RBP5: variants seen among roughly 807,000 people sequenced by gnomAD.
RBP5 encodes retinol-binding protein 5.
RBP5 carries 12 observed loss-of-function variants against 17.8 expected under a neutral mutation model. The ratio of observed to expected loss-of-function variants is 0.67; its 90% CI spans 0.43 to 1.09. The LOEUF (loss-of-function observed/expected upper bound fraction) is 1.09. RBP5 is among the 50% of genes least tolerant of loss of function. RBP5 has a pLI of 0.00. For synonymous variants in RBP5, 64 were observed against 68.1 expected, an observed-to-expected ratio of 0.94 and a Z score of 0.30; for missense variants, 172 against 169.4, an observed-to-expected ratio of 1.02 and a Z score of -0.09.
At chr12:7,125,154 G>A (rs760701375) in intron 2 of RBP5, among the ~76,000 whole-genome samples, 21 of 152,192 alleles carry the variant, frequency 1.4e-4, no homozygotes, top group African/African-American at 4.1e-4. Context: ...TGATCCGCCC[G>A]CCACCGCTTC....
chr12:7,127,453 C>T (rs1295390134), intron 2 of RBP5: 5 of 530,850 alleles, frequency 9.4e-6, no homozygotes, highest in Non-Finnish European at 1.0e-5. Flanking sequence ...TTTAAATCAT[C>T]TCTAGATTAC....
downstream of RBP5, chr12:7,122,497 T>C (rs777990578): frequency 3.3e-5 from 5 of 152,078 alleles, no homozygotes; most frequent in Non-Finnish European, 5.9e-5. Flanking sequence ...GGGGGAAAAA[T>C]AAAAATATAT....
chr12:7,128,607 C>T lies in RBP5; in HGVS notation c.73+96G>A. ...GCCGCCTGAGCCTTTCCACAGTGTC[C>T]AACCCCGGGCATTCCCTCTTCTCCA... On this transcript the variant is annotated intron_variant, in intron 1 of 3. Coordinates refer to ENST00000266560, the MANE Select transcript of RBP5 (RefSeq NM_031491.4). The surrounding 1 kb of genome is among the most constrained non-coding windows in gnomAD (Gnocchi z 5.3). 1 of 1,299,876 alleles carries T rather than the reference C, an allele frequency of 7.7e-7. No homozygotes were observed. The highest frequency in any genetic ancestry group is 1.1e-6 in the Non-Finnish European group (1 of 918,988). The allele number at this position is 1,299,876 out of a possible 1,614,324, so 80.5% of individuals were successfully genotyped here.
chr12:7,128,376 G>C lies in RBP5; in HGVS notation c.116C>G (p.Pro39Arg), dbSNP rs776502884. 2.1e-5 allele frequency: 34 copies of C among 1,614,184 alleles called. No homozygotes were observed. The highest frequency in any genetic ancestry group is 2.8e-5 in the Non-Finnish European group (33 of 1,180,034). The change falls in exon 2 of 4, where the codon CCG becomes CGG. Residue 39 changes from proline to arginine, a missense_variant. By Grantham distance (103) the Pro-to-Arg change is moderately radical. Transcript: ENST00000266560. This position sits in a 1 kb window ranked among gnomAD's most constrained non-coding sequence, Gnocchi z 5.3. ...GCCCTGGTGTTCGATCTCCTTGTCCGGCTTCAGCAGCAGCGCGATCTTCCG... is the reference window on the plus strand; with the variant it reads ...GCCCTGGTGTTCGATCTCCTTGTCCCGCTTCAGCAGCAGCGCGATCTTCCG... ...AVRKIALLLK[P>R]DKEIEHQGNH...
At position 7,124,631 on chromosome 12, in the gene RBP5, G is replaced by T; in HGVS notation, c.352C>A (p.Leu118Met). The T allele has an allele frequency of 1.3e-6, 2 of 1,481,956 alleles. No homozygotes were observed. Among genetic ancestry groups the T allele is most frequent in the Non-Finnish European group, 1.9e-6 (2 of 1,060,078 alleles). 91.8% of individuals were successfully genotyped at this position (1,481,956 alleles called of 1,614,324 possible). Residue 118 changes from leucine to methionine, a missense_variant and splice_region_variant, in exon 3 of 4, where the codon CTG becomes ATG. By Grantham distance (15) the Leu-to-Met change is conservative (BLOSUM62 2). Transcript: ENST00000266560. The surrounding 1 kb of genome is among the most constrained non-coding windows in gnomAD (Gnocchi z 5.3). ...CACCCAGCCCCCACCCCATTTACCA[G>T]ATACAGCATCTCTCCCTCCAGCCAG... is the stretch of plus-strand genomic sequence containing the variant. ...RHWLEGEMLY[L>M]ELTARDAVCE... is the part of the protein sequence containing the mutation.
chr12:7,126,580 A>G (rs1242896178), intron 2 of RBP5, among the ~76,000 whole-genome samples: 1 of 150,674 alleles, frequency 6.6e-6, no homozygotes, highest in Non-Finnish European at 1.5e-5. Flanking sequence ...AGAGGTAAGG[A>G]AACAAGAGAT....
downstream of RBP5, among the ~76,000 whole-genome samples, chr12:7,122,997 G>A (rs916599752): frequency 6.6e-6 from 1 of 152,130 alleles, no homozygotes; most frequent in Non-Finnish European, 1.5e-5. Context: ...TGGGTCAAGA[G>A]TCTTCATCTG....
Position 7,124,010 on chromosome 12 carries a change from A to G in RBP5, c.*111T>C. On this transcript the variant is annotated 3_prime_UTR_variant, in exon 4 of 4. Transcript: ENST00000266560. The surrounding 1 kb of genome is among the most constrained non-coding windows in gnomAD (Gnocchi z 5.3). ...GGTGAGGAGGGACCCAGAGGGAGGA[A>G]AGGTGGCCAGAGGAAGGGACAGCTG... 2 of 997,934 alleles carry G rather than the reference A, an allele frequency of 2.0e-6. No homozygotes were observed. Among genetic ancestry groups the G allele is most frequent in the Non-Finnish European group, 3.2e-6 (2 of 623,328 alleles). The allele number at this position is 997,934 out of a possible 1,614,324, so 61.8% of individuals were successfully genotyped here. A position where few individuals can be genotyped will look rare whatever the true frequency, so the allele number is the denominator to read the frequency against.
At position 7,117,592 on chromosome 12, in the gene RBP5, A is replaced by G. The variant is rs748157654; in HGVS notation, n.890-285T>C. 63 of 152,246 alleles carry G rather than the reference A, an allele frequency of 4.1e-4. No individual in the cohort carries two copies. The highest frequency in any genetic ancestry group is 1.5e-3 in the African/African-American group (62 of 41,540). 9.4% of individuals were successfully genotyped at this position (152,246 alleles called of 1,614,324 possible). On this transcript the variant is annotated intron_variant and non_coding_transcript_variant, in intron 3 of 3. Transcript: ENST00000619522. This position sits in a 1 kb window ranked among gnomAD's most constrained non-coding sequence, Gnocchi z 4.9. ...AGAGCAGGACTGGACAGATGAAAGCATGGCTTACAGGAGGCCAACACAATA... is the reference window on the plus strand; with the variant it reads ...AGAGCAGGACTGGACAGATGAAAGCGTGGCTTACAGGAGGCCAACACAATA...
Position 7,124,818 on chromosome 12 carries a change from A to G in RBP5, c.253-88T>C, listed in dbSNP as rs915595608. 1.3e-6 allele frequency: 1 copy of G among 763,262 alleles called. No individual in the cohort carries two copies. Among genetic ancestry groups the G allele is most frequent in the Non-Finnish European group, 2.3e-6 (1 of 426,632 alleles). The allele number at this position is 763,262 out of a possible 1,614,324, so 47.3% of individuals were successfully genotyped here. A position where few individuals can be genotyped will look rare whatever the true frequency, so the allele number is the denominator to read the frequency against. ...TCACTCTGAATGGGCTCCCCCTTTT[A>G]CTCCACAGCAGATACTGTCTGCTGC... On this transcript the variant is annotated intron_variant, in intron 2 of 3. Coordinates refer to ENST00000266560, the MANE Select transcript of RBP5 (RefSeq NM_031491.4). The surrounding 1 kb of genome is among the most constrained non-coding windows in gnomAD (Gnocchi z 5.3).
In RBP5 at chr12:7,124,526, G is replaced by T; in HGVS notation, c.354+103C>A. 1.4e-6 allele frequency: 1 copy of T among 721,388 alleles called. No homozygotes were observed. Among genetic ancestry groups the T allele is most frequent in the Non-Finnish European group, 2.5e-6 (1 of 400,804 alleles). The allele number at this position is 721,388 out of a possible 1,614,324, so 44.7% of individuals were successfully genotyped here. ...TGGTCAATTCCTTGGATAGGGATTG[G>T]GGCTGGGCTGGGGGAAGAGTGGTGG... On this transcript the variant is annotated intron_variant, in intron 3 of 3. Transcript: ENST00000266560. The surrounding 1 kb of genome is among the most constrained non-coding windows in gnomAD (Gnocchi z 5.3).
rs114493278 is a variant in RBP5, at chr12:7,117,373, C to T, written n.890-66G>A. 7.9e-5 allele frequency: 12 copies of T among 152,270 alleles called. No homozygotes were observed. The highest frequency in any genetic ancestry group is 2.9e-4 in the African/African-American group (12 of 41,548). 9.4% of individuals were successfully genotyped at this position (152,270 alleles called of 1,614,324 possible). On this transcript the variant is annotated intron_variant and non_coding_transcript_variant, in intron 3 of 3. Transcript: ENST00000619522. The surrounding 1 kb of genome is among the most constrained non-coding windows in gnomAD (Gnocchi z 4.9). ...AAGCAGGTATTGTTGGTGGCTGTCT[C>T]GGACGCTGGTTCTCATAGAAGTAGA... is the stretch of plus-strand genomic sequence containing the variant.
rs1471899162 is a variant in RBP5 at position 7,123,843 on chromosome 12, T to C, written c.*278A>G. ...GACAGGAGAGAGCGGAGATTGGTTGTTCTCAGGGGCTCCTTCCCTTTGCCT... is the reference window on the plus strand; with the variant it reads ...GACAGGAGAGAGCGGAGATTGGTTGCTCTCAGGGGCTCCTTCCCTTTGCCT... On this transcript the variant is annotated 3_prime_UTR_variant, in exon 4 of 4. Coordinates refer to ENST00000266560, the MANE Select transcript of RBP5 (RefSeq NM_031491.4). The C allele has an allele frequency of 1.6e-5, 7 of 439,626 alleles. No homozygotes were observed. The highest frequency in any genetic ancestry group is 2.5e-5 in the Non-Finnish European group (6 of 241,294). 27.2% of individuals were successfully genotyped at this position (439,626 alleles called of 1,614,324 possible).
chr12:7,122,520 A>G (rs1939095242), downstream of RBP5: 1 of 152,238 alleles, frequency 6.6e-6, no homozygotes, highest in African/African-American at 2.4e-5. Context: ...AAATATTTAG[A>G]AAAACCCACC....
chr12:7,116,256 C>T (rs1939003235), exon 4 of RBP5: 1 of 152,176 alleles, frequency 6.6e-6, no homozygotes, highest in Non-Finnish European at 1.5e-5. Flanking sequence ...GGCTCCTTAC[C>T]CTGGGAGGTC....
At chr12:7,121,534 C>T (rs775694511), downstream of RBP5, among the ~76,000 whole-genome samples, 6 of 152,162 alleles carry the variant, frequency 3.9e-5, no homozygotes, top group Non-Finnish European at 7.4e-5. Flanking sequence ...GAGGGGTACA[C>T]GGCTAGACCT....
chr12:7,116,539 G>A (rs1862171296), exon 4 of RBP5: 1 of 152,242 alleles, frequency 6.6e-6, no homozygotes, highest in Non-Finnish European at 1.5e-5. Flanking sequence ...AACGAGCAGG[G>A]TACCATCTGA....
intron 2 of RBP5, among the ~76,000 whole-genome samples, chr12:7,127,916 C>T (rs1195664334): frequency 6.6e-6 from 1 of 152,198 alleles, no homozygotes; most frequent in East Asian, 1.9e-4. Flanking sequence ...GTTATTGATG[C>T]TAAAGTAAAA....
In RBP5 at chr12:7,128,390, C is replaced by T. The variant is rs766053879; in HGVS notation, c.102G>A (p.Ala34=). 10 of 1,614,030 alleles carry T rather than the reference C, an allele frequency of 6.2e-6. No individual in the cohort carries two copies. Among genetic ancestry groups the T allele is most frequent in the African/African-American group, 1.3e-5 (1 of 74,936 alleles). The change falls in exon 2 of 4, where the codon GCG becomes GCA. Residue 34 remains alanine, a synonymous_variant. Transcript: ENST00000266560. The surrounding 1 kb of genome is among the most constrained non-coding windows in gnomAD (Gnocchi z 5.3). The stretch of plus-strand genomic sequence containing the variant: ...TCTCCTTGTCCGGCTTCAGCAGCAG[C>T]GCGATCTTCCGCACAGCCAAGCTGA... The part of the protein sequence containing the change: ...LNISLAVRKI[A]LLLKPDKEIE...
Sources: allele counts gnomAD v4.1 joint callset (sites outside exome capture counted in the v4.1 genomes callset), GRCh38; gene constraint gnomAD v4.1.1; non-coding constraint Gnocchi (gnomAD v3.1); transcripts MANE v1.5; gene names NCBI Gene and HGNC (gene_info 2026-07-23, HGNC 2026-07-21).